PTCHD4: variants seen among roughly 807,000 people sequenced by gnomAD.
PTCHD4 encodes the protein patched domain containing 4, also known as patched domain-containing protein 4.
PTCHD4 carries 33 observed loss-of-function variants against 58.1 expected under a neutral mutation model. The observed-to-expected ratio is 0.57, with a 90% CI of 0.43 to 0.76. The LOEUF (loss-of-function observed/expected upper bound fraction) is 0.76. PTCHD4 is among the 30% of genes least tolerant of loss of function. The pLI, the probability that PTCHD4 is intolerant of heterozygous loss-of-function variation, is 0.00. For synonymous variants in PTCHD4, 478 were observed against 409.6 expected (o/e 1.17, Z -2.02); for missense variants, 1,058 against 1,027.1 (o/e 1.03, Z -0.41).
chr6:47,940,877 A>G (rs1037558067), intron 4 of PTCHD4, among the ~76,000 whole-genome samples: 1 of 152,216 alleles, frequency 6.6e-6, no homozygotes, highest in Non-Finnish European at 1.5e-5. Flanking sequence ...CAATATTAAA[A>G]TGTGAAAGGG....
At chr6:48,005,103 G>A (rs1762384656) in intron 4 of PTCHD4, among the ~76,000 whole-genome samples, 1 of 151,984 alleles carries the variant, frequency 6.6e-6, no homozygotes, top group African/African-American at 2.4e-5. Context: ...AAAAATGTGG[G>A]ATATTTAGGT....
chr6:47,937,474 C>T (rs1436006342), intron 4 of PTCHD4, among the ~76,000 whole-genome samples: 1 of 152,106 alleles, frequency 6.6e-6, no homozygotes, highest in Non-Finnish European at 1.5e-5. Flanking sequence ...GAGTTTGCTG[C>T]TAACCTACAC....
intron 4 of PTCHD4, among the ~76,000 whole-genome samples, chr6:47,904,760 C>T (rs1468381150): frequency 3.3e-5 from 5 of 152,094 alleles, no homozygotes; most frequent in South Asian, 2.1e-4. Flanking sequence ...TCTTTGAAAA[C>T]ATTTAGCAAT....
intron 4 of PTCHD4, among the ~76,000 whole-genome samples, chr6:47,952,751 G>C (rs1766701768): frequency 6.6e-6 from 1 of 152,088 alleles, no homozygotes. Context: ...TATAGCCAAA[G>C]TGTGTATTAG....
At chr6:47,968,828 A>G (rs558848196) in intron 4 of PTCHD4, among the ~76,000 whole-genome samples, 1 of 152,314 alleles carries the variant, frequency 6.6e-6, no homozygotes, top group Admixed American at 6.5e-5. Context: ...AGAGAGAAAG[A>G]GGAAAATGCT....
At chr6:48,074,285 A>G (rs1211384469) in intron 1 of PTCHD4, among the ~76,000 whole-genome samples, 1 of 152,200 alleles carries the variant, frequency 6.6e-6, no homozygotes, top group Non-Finnish European at 1.5e-5. Flanking sequence ...GTCCACAAGA[A>G]CAGTAGTTAT....
intron 4 of PTCHD4, among the ~76,000 whole-genome samples, chr6:47,922,019 C>G (rs939521003): frequency 2.0e-5 from 3 of 150,750 alleles, no homozygotes; most frequent in South Asian, 2.1e-4. Flanking sequence ...CATGCCTGAG[C>G]CCCAGTTACT....
At position 47,973,453 on chromosome 6, in the gene PTCHD4, G is replaced by C. The variant is rs1426818447; in HGVS notation, c.898+35181C>G. On this transcript the variant is annotated intron_variant, in intron 4 of 4. Transcript: ENST00000339488. ...AACAATGCTACAGTGATTGTAGCTG[G>C]AGATATAATCAAGGCACTGTTGAAA... 2.0e-5 allele frequency among the ~76,000 whole-genome samples: 3 copies of C among 152,304 alleles called. No homozygotes were observed. The East Asian group carries it at 5.8e-4, about 29-fold the overall frequency.
At chr6:47,970,306 G>C (rs752478151) in intron 4 of PTCHD4, among the ~76,000 whole-genome samples, 19 of 152,196 alleles carry the variant, frequency 1.2e-4, no homozygotes, top group South Asian at 8.3e-4. Context: ...GACAATATTA[G>C]ATGAACTCTT....
chr6:48,049,709 C>G (rs1026948126), intron 3 of PTCHD4, among the ~76,000 whole-genome samples: 1 of 151,966 alleles, frequency 6.6e-6, no homozygotes, highest in African/African-American at 2.4e-5. Context: ...CTTGTAGACT[C>G]TCTGTATATA....
At chr6:47,892,907 A>C (rs1233107690) in intron 4 of PTCHD4, among the ~76,000 whole-genome samples, 1 of 152,220 alleles carries the variant, frequency 6.6e-6, no homozygotes, top group African/African-American at 2.4e-5. Context: ...AGTTAACCCA[A>C]AAGTTCAGGA....
Position 47,866,818 on chromosome 6 carries a change from A to T in PTCHD4, c.*11485T>A, listed in dbSNP as rs1487061489. Among the ~76,000 whole-genome samples the T allele has an allele frequency of 6.6e-6, 1 of 151,878 alleles. No individual in the cohort carries two copies. Among genetic ancestry groups the T allele is most frequent in the Non-Finnish European group, 1.5e-5 (1 of 67,878 alleles). On this transcript the variant is annotated 3_prime_UTR_variant, in exon 5 of 5. Coordinates refer to ENST00000339488, the MANE Select transcript of PTCHD4 (RefSeq NM_001384253.1). ...TGCATATGTACCTTATGTGATCTTC[A>T]AAGAAAGCATCAGTGAATCATAAGG...
Position 48,069,055 on chromosome 6 carries a change from G to T in PTCHD4, c.-98C>A, listed in dbSNP as rs936711821. 6.9e-6 allele frequency among the ~76,000 whole-genome samples: 1 copy of T among 145,662 alleles called. No individual in the cohort carries two copies. On this transcript the variant is annotated 5_prime_UTR_variant, in exon 2 of 5. Transcript: ENST00000339488. Reference sequence around the variant, plus strand: ...CCGTGTGGAGCGTCCCACAGATGTGGATTTCCTCTCTGTCTTGGTGGGGTT... The same window carrying T: ...CCGTGTGGAGCGTCCCACAGATGTGTATTTCCTCTCTGTCTTGGTGGGGTT...
intron 4 of PTCHD4, among the ~76,000 whole-genome samples, chr6:47,958,363 A>G (rs1337392665): frequency 3.3e-5 from 5 of 152,190 alleles, no homozygotes; most frequent in Non-Finnish European, 5.9e-5. Context: ...ACAAGACCAC[A>G]CCTAAAACAA....
chr6:47,997,118 A>G (rs950162418), intron 4 of PTCHD4, among the ~76,000 whole-genome samples: 18 of 152,310 alleles, frequency 1.2e-4, no homozygotes, highest in Middle Eastern at 3.4e-3. Flanking sequence ...AAGTATTATA[A>G]TGAGTCCTCA....
intron 4 of PTCHD4, among the ~76,000 whole-genome samples, chr6:47,882,746 A>ATATATATATATATATATATG (rs1764059260): frequency 6.9e-6 from 1 of 145,016 alleles, no homozygotes; most frequent in African/African-American, 2.5e-5. Flanking sequence ...CCAGTGATAT[A>ATATATATATATATATATATG]TATATATATA....
chr6:48,096,042 T>G (rs1410760398), intron 1 of PTCHD4, among the ~76,000 whole-genome samples: 2 of 152,208 alleles, frequency 1.3e-5, no homozygotes, highest in African/African-American at 4.8e-5. Context: ...TAGGATATGG[T>G]CTCTTCTCTA....
Position 47,925,853 on chromosome 6 carries a change from T to C in PTCHD4, c.899-45917A>G, listed in dbSNP as rs536606178. On this transcript the variant is annotated intron_variant, in intron 4 of 4. Transcript: ENST00000339488. ...CTTCCAGTTACATATGCCTCCTTTA[T>C]CTCATCATTCTTCAACTGAGTACAG... 8.5e-5 allele frequency among the ~76,000 whole-genome samples: 13 copies of C among 152,346 alleles called. No homozygotes were observed. The South Asian group carries it at 2.7e-3, about 32-fold the overall frequency.
At chr6:48,003,425 C>A (rs1200147536) in intron 4 of PTCHD4, among the ~76,000 whole-genome samples, 1 of 152,106 alleles carries the variant, frequency 6.6e-6, no homozygotes, top group Non-Finnish European at 1.5e-5. Flanking sequence ...ATTGACAATT[C>A]TTTTTCTCTT....
Sources: gnomAD v4.1 joint callset for allele counts (sites outside exome capture counted in the v4.1 genomes callset) on GRCh38, gnomAD v4.1.1 for gene constraint, MANE v1.5 for transcripts, NCBI Gene and HGNC (gene_info 2026-07-23, HGNC 2026-07-21) for gene names.